The following MAPK8IP1 variants were observed in gnomAD, a reference collection of about 807,000 sequenced individuals.
MAPK8IP1 encodes mitogen-activated protein kinase 8 interacting protein 1, also known as C-Jun-amino-terminal kinase-interacting protein 1.
In MAPK8IP1, 17 loss-of-function variants were observed where a neutral mutation model predicts 72.6. The ratio of observed to expected loss-of-function variants is 0.23; its 90% CI spans 0.16 to 0.35. MAPK8IP1 has a LOEUF of 0.35. MAPK8IP1 is among the 10% of genes least tolerant of loss of function. MAPK8IP1 has a pLI of 1.00. For synonymous variants in MAPK8IP1, 401 were observed against 443.4 expected (o/e 0.90, Z 1.20); for missense variants, 789 against 1,009.7 (o/e 0.78, Z 2.96).
rs1022548322 is a variant in MAPK8IP1, at chr11:45,900,969, G to C, written c.522+517G>C. On this transcript the variant is annotated intron_variant, in intron 3 of 11. Coordinates refer to ENST00000241014, the MANE Select transcript of MAPK8IP1 (RefSeq NM_005456.4). This position sits in a 1 kb window ranked among gnomAD's most constrained non-coding sequence, Gnocchi z 6.5. The stretch of plus-strand genomic sequence containing the variant: ...GCAGCTGCGAATTCCCAGAAGGCAG[G>C]GGGGAGGAATGGGAGATGGAGCTGC... 2.4e-4 allele frequency among the ~76,000 whole-genome samples: 37 copies of C among 152,140 alleles called. No individual in the cohort carries two copies. The highest frequency in any genetic ancestry group is 6.8e-4 in the African/African-American group (28 of 41,410).
Position 45,903,948 on chromosome 11 carries a change from G to T in MAPK8IP1, c.1494-41G>T. 6.2e-7 allele frequency: 1 copy of T among 1,603,412 alleles called. No homozygotes were observed. Among genetic ancestry groups the T allele is most frequent in the Non-Finnish European group, 8.5e-7 (1 of 1,173,018 alleles). On this transcript the variant is annotated intron_variant, in intron 6 of 11. Coordinates refer to ENST00000241014, the MANE Select transcript of MAPK8IP1 (RefSeq NM_005456.4). This position sits in a 1 kb window ranked among gnomAD's most constrained non-coding sequence, Gnocchi z 6.4. Reference sequence around the variant, plus strand: ...CCCCAGAGTAGGCCTGGCTGGACAGGCCTTGGTGCCGAATTTCTCACCTGT... The same window carrying T: ...CCCCAGAGTAGGCCTGGCTGGACAGTCCTTGGTGCCGAATTTCTCACCTGT...
intron 10 of MAPK8IP1, 54 bp from the exon 11 acceptor site, chr11:45,905,097 T>G (rs1590789253): frequency 1.2e-6 from 2 of 1,611,172 alleles, no homozygotes; most frequent in Admixed American, 1.7e-5. Flanking sequence ...AGCCTTGAGG[T>G]GGGTGGGTGT....
Position 45,904,385 on chromosome 11 carries a change from C to G in MAPK8IP1, c.1667-70C>G, listed in dbSNP as rs1426809196. On this transcript the variant is annotated intron_variant, in intron 7 of 11. Coordinates refer to ENST00000241014, the MANE Select transcript of MAPK8IP1 (RefSeq NM_005456.4). The surrounding 1 kb of genome is among the most constrained non-coding windows in gnomAD (Gnocchi z 6.4). ...CTGCCATTCCCCGTGCCTCACCCAC[C>G]CTCCTTCACTTGGCTGCTCAGCTCC... 2.2e-6 allele frequency: 3 copies of G among 1,365,890 alleles called. No homozygotes were observed. The African/African-American group carries it at 4.3e-5, about 20-fold the overall frequency. The allele number at this position is 1,365,890 out of a possible 1,614,324, so 84.6% of individuals were successfully genotyped here.
Position 45,885,850 on chromosome 11 carries a change from A to G in MAPK8IP1, c.30A>G (p.Gly10=). The G allele has an allele frequency of 6.9e-7, 1 of 1,446,796 alleles. No individual in the cohort carries two copies. Among genetic ancestry groups the G allele is most frequent in the South Asian group, 1.4e-5 (1 of 72,914 alleles). 89.6% of individuals were successfully genotyped at this position (1,446,796 alleles called of 1,614,324 possible). A position where few individuals can be genotyped will look rare whatever the true frequency, so the allele number is the denominator to read the frequency against. ...CGGAGCGAGAAAGCGGCGGCCTGGG[A>G]GGGGGGGCCGCGTCCCCGCCCGCCG... The part of the protein sequence containing the change: MAERESGGL[G]GGAASPPAAS... The change falls in exon 1 of 12, where the codon GGA becomes GGG. Residue 10 remains glycine, a synonymous_variant. Coordinates refer to ENST00000241014, the MANE Select transcript of MAPK8IP1 (RefSeq NM_005456.4).
In MAPK8IP1 at chr11:45,902,823, G is replaced by T. The variant is rs767674431; in HGVS notation, c.1056G>T (p.Trp352Cys). 1 of 1,582,004 alleles carries T rather than the reference G, an allele frequency of 6.3e-7. No individual in the cohort carries two copies. Among genetic ancestry groups the T allele is most frequent in the Non-Finnish European group, 8.6e-7 (1 of 1,166,276 alleles). Residue 352 changes from tryptophan (W) to cysteine (C), a missense_variant, in exon 5 of 12, where the codon TGG becomes TGT. Trp to Cys is a radical substitution (Grantham distance 215). This residue lies in a region of MAPK8IP1 where 377 missense variants were observed against 411.7 expected (regional missense o/e 0.92). Coordinates refer to ENST00000241014, the MANE Select transcript of MAPK8IP1 (RefSeq NM_005456.4). This position sits in a 1 kb window ranked among gnomAD's most constrained non-coding sequence, Gnocchi z 9.3. Reference sequence around the variant, plus strand: ...GGGCTGAGCCCCCAGGCGGAGGGTGGCGGGGGAGCCTGGGGGAGCCGCCGC... The same window carrying T: ...GGGCTGAGCCCCCAGGCGGAGGGTGTCGGGGGAGCCTGGGGGAGCCGCCGC... ...PERAEPPGGGWRGSLGEPPPP... is the reference protein window; with the variant it reads ...PERAEPPGGGCRGSLGEPPPP...
At chr11:45,886,781 C>T (rs1185708208) in intron 1 of MAPK8IP1, among the ~76,000 whole-genome samples, 1 of 152,130 alleles carries the variant, frequency 6.6e-6, no homozygotes, top group African/African-American at 2.4e-5. Context: ...TCACTGCTCC[C>T]GGCCTAGAGA....
Position 45,900,251 on chromosome 11 carries a change from GGACGACGAGGAGGAC to G in MAPK8IP1, c.334_348del (p.Asp112_Glu116del), listed in dbSNP as rs2086640545. On this transcript the variant is annotated inframe_deletion, in exon 3 of 12. Transcript: ENST00000241014. The surrounding 1 kb of genome is among the most constrained non-coding windows in gnomAD (Gnocchi z 6.5). Reference sequence around the variant, plus strand: ...CGACGGGGGACACTCCCGGGGCCGAGGACGACGAGGAGGACGACGACGAGGAGCGCGCGGCCCGGC... The same window carrying G: ...CGACGGGGGACACTCCCGGGGCCGAGGACGACGAGGAGCGCGCGGCCCGGC... 2 of 1,332,854 alleles carry G rather than the reference GGACGACGAGGAGGAC, an allele frequency of 1.5e-6. No individual in the cohort carries two copies. Among genetic ancestry groups the G allele is most frequent in the African/African-American group, 1.6e-5 (1 of 64,394 alleles). 82.6% of individuals were successfully genotyped at this position (1,332,854 alleles called of 1,614,324 possible).
In MAPK8IP1 at chr11:45,902,838, G is replaced by A. The variant is rs1463014508; in HGVS notation, c.1071G>A (p.Gly357=). 5 of 1,583,344 alleles carry A rather than the reference G, an allele frequency of 3.2e-6. No homozygotes were observed. The highest frequency in any genetic ancestry group is 4.3e-6 in the Non-Finnish European group (5 of 1,166,416). ...GCGGAGGGTGGCGGGGGAGCCTGGG[G>A]GAGCCGCCGCCACCTCCACGGGCCT... ...PPGGGWRGSL[G]EPPPPPRASL... The change falls in exon 5 of 12, where the codon GGG becomes GGA. Residue 357 remains glycine (G), a synonymous_variant. Transcript: ENST00000241014. This position sits in a 1 kb window ranked among gnomAD's most constrained non-coding sequence, Gnocchi z 9.3.
rs370044849 is a variant in MAPK8IP1 at position 45,906,355 on chromosome 11, C to T, written c.*634C>T. On this transcript the variant is annotated 3_prime_UTR_variant, in exon 12 of 12. Transcript: ENST00000241014. ...ACCTCAGGCGGGGAGGAGGAGCTGC[C>T]GCAAGGCCCTGTCCCAGCAGAAGAG... 5.1e-5 allele frequency: 27 copies of T among 524,816 alleles called. No homozygotes were observed. The highest frequency in any genetic ancestry group is 3.4e-4 in the East Asian group (10 of 29,652). 32.5% of individuals were successfully genotyped at this position (524,816 alleles called of 1,614,324 possible).
rs1022800555 is a variant in MAPK8IP1, at chr11:45,885,892, G to A, written c.72G>A (p.Gly24=). 7 of 1,476,044 alleles carry A rather than the reference G, an allele frequency of 4.7e-6. No homozygotes were observed. Among genetic ancestry groups the A allele is most frequent in the African/African-American group, 2.9e-5 (2 of 68,730 alleles). 91.4% of individuals were successfully genotyped at this position (1,476,044 alleles called of 1,614,324 possible). The change falls in exon 1 of 12, where the codon GGG becomes GGA. Residue 24 remains glycine, a synonymous_variant. Transcript: ENST00000241014. ...CGCCCGCCGCCTCCCCGTTCCTGGG[G>A]CTGCACATCGCTTCGCCTCCCAATT... The part of the protein sequence containing the change: ...ASPPAASPFL[G]LHIASPPNFR...
intron 1 of MAPK8IP1, among the ~76,000 whole-genome samples, chr11:45,894,577 G>A (rs1316556911): frequency 2.6e-5 from 4 of 152,168 alleles, no homozygotes; most frequent in Non-Finnish European, 4.4e-5. Flanking sequence ...GTGTAGAAGT[G>A]AACTGAGAAG....
At chr11:45,896,930 G>A in intron 1 of MAPK8IP1, 2 of 1,574,436 alleles carry the variant, frequency 1.3e-6, no homozygotes, top group African/African-American at 1.3e-5. Context: ...ACAGCTGGTT[G>A]GAGGATCAAT....
Position 45,903,979 on chromosome 11 carries a change from C to G in MAPK8IP1, c.1494-10C>G. 1 of 1,612,516 alleles carries G rather than the reference C, an allele frequency of 6.2e-7. No individual in the cohort carries two copies. Among genetic ancestry groups the G allele is most frequent in the South Asian group, 1.1e-5 (1 of 91,010 alleles). ...GTGCCGAATTTCTCACCTGTCCTTG[C>G]TGGGGACAGGTTTGTGCCTCGACAC... On this transcript the variant is annotated splice_polypyrimidine_tract_variant and intron_variant, in intron 6 of 11. Coordinates refer to ENST00000241014, the MANE Select transcript of MAPK8IP1 (RefSeq NM_005456.4). This position sits in a 1 kb window ranked among gnomAD's most constrained non-coding sequence, Gnocchi z 6.4.
Position 45,905,769 on chromosome 11 carries a change from G to A in MAPK8IP1, c.*48G>A, listed in dbSNP as rs774104804. ...TCCCCCAGCCCTCAGGCCAGTGCCAGGACAGCTGGCTGCTGACAGGATGTG... is the reference window on the plus strand; with the variant it reads ...TCCCCCAGCCCTCAGGCCAGTGCCAAGACAGCTGGCTGCTGACAGGATGTG... On this transcript the variant is annotated 3_prime_UTR_variant, in exon 12 of 12. Transcript: ENST00000241014. 1.3e-6 allele frequency: 2 copies of A among 1,560,956 alleles called. No individual in the cohort carries two copies. Among genetic ancestry groups the A allele is most frequent in the Admixed American group, 1.7e-5 (1 of 59,942 alleles).
Position 45,885,773 on chromosome 11 carries a change from C to T in MAPK8IP1, c.-48C>T. On this transcript the variant is annotated 5_prime_UTR_variant, in exon 1 of 12. Transcript: ENST00000241014. ...GCCTCCGCCTCCTTCGCAGCCGCCG[C>T]CTCCTCCGCGCCGCGCTCCGCCCGG... The T allele has an allele frequency of 1.7e-6, 2 of 1,154,092 alleles. No individual in the cohort carries two copies. The highest frequency in any genetic ancestry group is 2.2e-5 in the South Asian group (1 of 44,502). The allele number at this position is 1,154,092 out of a possible 1,614,324, so 71.5% of individuals were successfully genotyped here.
chr11:45,905,581 T>C (rs1403749733), intron 11 of MAPK8IP1, 68 bp from the exon 12 acceptor site: 1 of 1,429,540 alleles, frequency 7.0e-7, no homozygotes, highest in African/African-American at 1.4e-5. Context: ...GGGAAAACCC[T>C]GGGTCGGGAT....
Sources: allele counts gnomAD v4.1 joint callset (sites outside exome capture counted in the v4.1 genomes callset), GRCh38; gene constraint gnomAD v4.1.1; regional missense constraint gnomAD v4.1.1; non-coding constraint Gnocchi (gnomAD v3.1); transcripts MANE v1.5; gene names NCBI Gene and HGNC (gene_info 2026-07-23, HGNC 2026-07-21).